ZNF66: variants seen among roughly 807,000 people sequenced by gnomAD.
ZNF66 encodes putative zinc finger protein 66.
A neutral mutation model predicts 35.2 loss-of-function variants in ZNF66; 32 were observed. That is an observed-to-expected ratio of 0.91 (90% confidence interval 0.69 to 1.22). The LOEUF (loss-of-function observed/expected upper bound fraction) is 1.22, where lower values mean the gene tolerates loss of function less well. Among genes scored for constraint, ZNF66 ranks in the 50% most tolerant of loss-of-function variants. The pLI, the probability that ZNF66 is intolerant of heterozygous loss-of-function variation, is 0.00. For synonymous variants in ZNF66, 231 were observed against 181.3 expected, an observed-to-expected ratio of 1.27 and a Z score of -2.20; for missense variants, 666 against 543.1, an observed-to-expected ratio of 1.23 and a Z score of -2.25.
At position 20,792,504 on chromosome 19, in the gene ZNF66, T is replaced by C; in HGVS notation, c.4-8T>C. ...CTTGGTGAAAATGTGTGTGTGTATA[T>C]TTTTCAGGGGCCATTGCAATTTAGA... On this transcript the variant is annotated splice_region_variant and splice_polypyrimidine_tract_variant and intron_variant, in intron 1 of 3. Coordinates refer to ENST00000344519, the MANE Select transcript of ZNF66 (RefSeq NM_001355197.2). The C allele has an allele frequency of 6.6e-7, 1 of 1,515,052 alleles. No individual in the cohort carries two copies. Among genetic ancestry groups the C allele is most frequent in the Non-Finnish European group, 9.1e-7 (1 of 1,102,646 alleles). The allele number at this position is 1,515,052 out of a possible 1,614,324, so 93.9% of individuals were successfully genotyped here. A position where few individuals can be genotyped will look rare whatever the true frequency, so the allele number is the denominator to read the frequency against.
chr19:20,777,657 T>C (rs1397338413), intron 1 of ZNF66, among the ~76,000 whole-genome samples: 2 of 151,848 alleles, frequency 1.3e-5, no homozygotes, highest in Admixed American at 1.3e-4. Context: ...AGACGGAGTC[T>C]TGCTCTGTCG....
chr19:20,797,453 G>A (rs11667183), intron 3 of ZNF66, among the ~76,000 whole-genome samples: 57,920 of 146,312 alleles, frequency 0.4, 14,683 homozygotes, highest in Non-Finnish European at 0.46. Flanking sequence ...TGATCCGCCC[G>A]CCTCGGCCTC....
At chr19:20,784,735 T>C (rs1971272384) in intron 1 of ZNF66, 1 of 152,222 alleles carries the variant, frequency 6.6e-6, no homozygotes, top group Non-Finnish European at 1.5e-5. Context: ...CTCCTAATGC[T>C]CATGTTTCTC....
Position 20,806,949 on chromosome 19 carries a change from A to G in ZNF66, c.1349A>G (p.Glu450Gly), listed in dbSNP as rs757382096. Reference protein sequence around the residue: ...LTTHKIIHTGEKPYECEDCGK... With the variant: ...LTTHKIIHTGGKPYECEDCGK... ...ACACATAAGATAATTCACACTGGAG[A>G]GAAACCCTACGAATGTGAAGACTGT... The change falls in exon 4 of 4, where the codon GAG (glutamate) becomes GGG (glycine). Residue 450 changes from glutamate to glycine, a missense_variant. Glu to Gly is a moderately conservative substitution (Grantham distance 98). Transcript: ENST00000344519. The G allele has an allele frequency of 8.7e-7, 1 of 1,149,602 alleles. No homozygotes were observed. Among genetic ancestry groups the G allele is most frequent in the Non-Finnish European group, 1.3e-6 (1 of 757,844 alleles). The allele number at this position is 1,149,602 out of a possible 1,614,324, so 71.2% of individuals were successfully genotyped here. A position where few individuals can be genotyped will look rare whatever the true frequency, so the allele number is the denominator to read the frequency against.
chr19:20,806,539 C>T lies in ZNF66; in HGVS notation c.939C>T (p.Tyr313=). 6.5e-7 allele frequency: 1 copy of T among 1,543,400 alleles called. No individual in the cohort carries two copies. The highest frequency in any genetic ancestry group is 9.0e-7 in the Non-Finnish European group (1 of 1,117,144). Residue 313 remains tyrosine, a synonymous_variant, in exon 4 of 4, where the codon TAC becomes TAT. Coordinates refer to ENST00000344519, the MANE Select transcript of ZNF66 (RefSeq NM_001355197.2). ...TAATTCATACTGGAGAGAAACCCTA[C>T]AAATGTGAAGAATGTGGTAAAGCCT... ...HKIIHTGEKP[Y]KCEECGKAFN...
At chr19:20,795,525 G>C (rs1028731150) in intron 3 of ZNF66, among the ~76,000 whole-genome samples, 1 of 151,870 alleles carries the variant, frequency 6.6e-6, no homozygotes, top group Non-Finnish European at 1.5e-5. Flanking sequence ...GCGCCACCAT[G>C]CCTGGGTAAT....
rs549148731 is a variant in ZNF66 at position 20,788,247 on chromosome 19, C to T, written c.4-4265C>T. The stretch of plus-strand genomic sequence containing the variant: ...ATGAAGCAGTCATGGTTCCTACAGT[C>T]CAGAAATGTTTAGTCTAGACTAGCA... On this transcript the variant is annotated intron_variant, in intron 1 of 3. Transcript: ENST00000344519. 3.9e-5 allele frequency among the ~76,000 whole-genome samples: 6 copies of T among 152,214 alleles called. No homozygotes were observed. In the East Asian group the frequency reaches 5.8e-4, roughly 15 times the overall value.
intron 3 of ZNF66, among the ~76,000 whole-genome samples, chr19:20,802,171 G>T (rs2144913528): frequency 6.6e-6 from 1 of 152,172 alleles, no homozygotes; most frequent in South Asian, 2.1e-4. Flanking sequence ...CTCCAACATT[G>T]TTCCATTTTG....
In ZNF66 at chr19:20,807,246, C is replaced by A. The variant is rs1490072581; in HGVS notation, c.1646C>A (p.Ser549Tyr). Residue 549 changes from serine (S) to tyrosine (Y), a missense_variant, in exon 4 of 4, where the codon TCC becomes TAC. Physicochemically the swap from Ser to Tyr is moderately radical, Grantham distance 144 (BLOSUM62 -2). Coordinates refer to ENST00000344519, the MANE Select transcript of ZNF66 (RefSeq NM_001355197.2). ...CNKCGKAFIS[S>Y]SNLSRHEIIH... ...AAATGTGGCAAAGCCTTTATTTCAT[C>A]CTCAAACCTTAGTAGACATGAGATA... 1 of 707,992 alleles carries A rather than the reference C, an allele frequency of 1.4e-6. No individual in the cohort carries two copies. Among genetic ancestry groups the A allele is most frequent in the Non-Finnish European group, 2.5e-6 (1 of 397,816 alleles). 43.9% of individuals were successfully genotyped at this position (707,992 alleles called of 1,614,324 possible).
In ZNF66 at chr19:20,805,146, A is replaced by G. The variant is rs187172961; in HGVS notation, c.227-681A>G. ...GTGTGTGAGAGAGAGAGAGAGAGAG[A>G]GAGAGTCTCGCCCTGTTACCTATGC... On this transcript the variant is annotated intron_variant, in intron 3 of 3. Coordinates refer to ENST00000344519, the MANE Select transcript of ZNF66 (RefSeq NM_001355197.2). Among the ~76,000 whole-genome samples the G allele has an allele frequency of 2.0e-5, 3 of 151,904 alleles. 1 individual carries two copies. The South Asian group carries it at 6.2e-4, about 32-fold the overall frequency.
At position 20,806,377 on chromosome 19, in the gene ZNF66, T is replaced by G. The variant is rs370444535; in HGVS notation, c.777T>G (p.Cys259Trp). 1 of 1,570,976 alleles carries G rather than the reference T, an allele frequency of 6.4e-7. No homozygotes were observed. The change falls in exon 4 of 4, where the codon TGT becomes TGG. Residue 259 changes from cysteine (C) to tryptophan (W), a missense_variant. Cys to Trp is a radical substitution (Grantham distance 215, BLOSUM62 -2). Transcript: ENST00000344519. ...ATACTGGAGAGAAACCCTACAAATG[T>G]GAAGAATGTGGCAAGGCCTTTAAGC... ...KIHTGEKPYKCEECGKAFKRS... is the reference protein window; with the variant it reads ...KIHTGEKPYKWEECGKAFKRS...
At chr19:20,794,992 C>T (rs969371722) in intron 3 of ZNF66, among the ~76,000 whole-genome samples, 2 of 151,620 alleles carry the variant, frequency 1.3e-5, no homozygotes, top group African/African-American at 4.9e-5. Flanking sequence ...CTGCCTCAGC[C>T]TCCTGAGTAG....
At chr19:20,805,126 T>TGTGAGAGAGAGAGAGAGA (rs752355466) in intron 3 of ZNF66, among the ~76,000 whole-genome samples, 2 of 145,984 alleles carry the variant, frequency 1.4e-5, no homozygotes, top group Non-Finnish European at 3.0e-5. Context: ...TGTGTGTGTG[T>TGTGAGAGAGAGAGAGAGA]GAGAGAGAGA....
chr19:20,798,244 T>C (rs1025836976), intron 3 of ZNF66, among the ~76,000 whole-genome samples: 1 of 151,962 alleles, frequency 6.6e-6, no homozygotes, highest in Non-Finnish European at 1.5e-5. Flanking sequence ...AGTTTTTCTT[T>C]AAAAAAATTG....
At chr19:20,796,806 A>C (rs1391345711) in intron 3 of ZNF66, among the ~76,000 whole-genome samples, 1 of 152,204 alleles carries the variant, frequency 6.6e-6, no homozygotes, top group Admixed American at 6.5e-5. Flanking sequence ...AAATACCTGC[A>C]TTTAGTGAGT....
rs777213768 is a variant in ZNF66 at position 20,806,455 on chromosome 19, C to T, written c.855C>T (p.Tyr285=). 2.6e-6 allele frequency: 4 copies of T among 1,543,782 alleles called. No homozygotes were observed. Among genetic ancestry groups the T allele is most frequent in the Non-Finnish European group, 3.6e-6 (4 of 1,116,572 alleles). The change falls in exon 4 of 4, where the codon TAC becomes TAT. Residue 285 remains tyrosine, a synonymous_variant. Coordinates refer to ENST00000344519, the MANE Select transcript of ZNF66 (RefSeq NM_001355197.2). ...HKRIHTGEKP[Y]KCEECGKVFK... ...GAATTCATACTGGAGAGAAACCCTA[C>T]AAATGTGAAGAATGTGGCAAAGTTT...
chr19:20,797,064 T>C (rs2144907801), intron 3 of ZNF66, among the ~76,000 whole-genome samples: 1 of 152,224 alleles, frequency 6.6e-6, no homozygotes, highest in Non-Finnish European at 1.5e-5. Context: ...TTCGCCAGGC[T>C]GGTCTTGAAC....
At chr19:20,776,515 T>A (rs567207436) in intron 1 of ZNF66, 65 bp downstream of exon 1, 44 of 1,481,402 alleles carry the variant, frequency 3.0e-5, no homozygotes, top group Non-Finnish European at 3.9e-5. Context: ...AGGCCTCCCC[T>A]CAGTCAGCTC....
At chr19:20,801,247 T>C (rs975110176) in intron 3 of ZNF66, among the ~76,000 whole-genome samples, 1 of 152,160 alleles carries the variant, frequency 6.6e-6, no homozygotes, top group African/African-American at 2.4e-5. Flanking sequence ...GAGTCTCTTG[T>C]AGGGAGCATA....
Sources: allele counts gnomAD v4.1 joint callset (sites outside exome capture counted in the v4.1 genomes callset), GRCh38; gene constraint gnomAD v4.1.1; transcripts MANE v1.5; gene names NCBI Gene and HGNC (gene_info 2026-07-23, HGNC 2026-07-21).